The following NPAS3 variants were observed in gnomAD, a reference collection of about 807,000 sequenced individuals.
NPAS3 encodes neuronal PAS domain protein 3.
A neutral mutation model predicts 73.1 loss-of-function variants in NPAS3; 14 were observed. The ratio of observed to expected loss-of-function variants is 0.19; its 90% confidence interval spans 0.13 to 0.30. The LOEUF (loss-of-function observed/expected upper bound fraction) is 0.30, where lower values mean the gene tolerates loss of function less well. NPAS3 is among the 10% of genes least tolerant of loss of function. NPAS3 has a pLI of 1.00. For missense variants in NPAS3, 1,096 were observed against 1,250.0 expected (o/e 0.88, Z 1.86); for synonymous variants, 620 against 541.5 (o/e 1.14, Z -2.01).
intron 2 of NPAS3, among the ~76,000 whole-genome samples, chr14:33,057,312 T>G (rs567786887): frequency 6.6e-6 from 1 of 152,346 alleles, no homozygotes; most frequent in African/African-American, 2.4e-5. Flanking sequence ...GATCATCATT[T>G]TAAAAAATTC....
intron 3 of NPAS3, among the ~76,000 whole-genome samples, chr14:33,344,874 C>A (rs1274727039): frequency 2.0e-5 from 3 of 152,152 alleles, no homozygotes; most frequent in Admixed American, 6.6e-5. Flanking sequence ...AGAAGGAAGT[C>A]ACAGGCATCA....
intron 4 of NPAS3, among the ~76,000 whole-genome samples, chr14:33,460,634 ACTGC>A (rs1183046540): frequency 1.3e-5 from 2 of 152,150 alleles, no homozygotes; most frequent in African/African-American, 4.8e-5. Context: ...GGCGTACCCT[ACTGC>A]CTCCTACCCT....
intron 2 of NPAS3, among the ~76,000 whole-genome samples, chr14:33,160,532 C>A (rs1349789481): frequency 6.7e-6 from 1 of 149,802 alleles, no homozygotes; most frequent in African/African-American, 2.5e-5. Flanking sequence ...AGGAGATATA[C>A]CTAATGTAAA....
At chr14:33,730,945 G>T (rs8014172) in intron 6 of NPAS3, among the ~76,000 whole-genome samples, 1 of 152,062 alleles carries the variant, frequency 6.6e-6, no homozygotes, top group African/African-American at 2.4e-5. Context: ...GGAAAAGAAT[G>T]TGTTTAACTT....
intron 4 of NPAS3, among the ~76,000 whole-genome samples, chr14:33,408,064 T>C (rs1311267821): frequency 6.6e-6 from 1 of 152,164 alleles, no homozygotes; most frequent in African/African-American, 2.4e-5. Context: ...ATATGAAATG[T>C]CTTTATTAGT....
chr14:33,280,198 T>G (rs2041535892), intron 3 of NPAS3, among the ~76,000 whole-genome samples: 1 of 151,922 alleles, frequency 6.6e-6, no homozygotes, highest in Non-Finnish European at 1.5e-5. Flanking sequence ...TCCAGTGTAA[T>G]TATAAACATA....
intron 2 of NPAS3, among the ~76,000 whole-genome samples, chr14:33,089,038 C>CAAAGATCAAAGGTAGTTAAAACCACA (rs57623601): frequency 6.9e-6 from 1 of 144,654 alleles, no homozygotes; most frequent in African/African-American, 2.7e-5. Context: ...TCACCATCAT[C>CAAAGATCAAAGGTAGTTAAAACCACA]AAGATGAGGA....
At chr14:33,344,165 T>G (rs2044622080) in intron 3 of NPAS3, among the ~76,000 whole-genome samples, 1 of 152,196 alleles carries the variant, frequency 6.6e-6, no homozygotes, top group Non-Finnish European at 1.5e-5. Context: ...AATGATGATT[T>G]TCTTTGCAAA....
intron 4 of NPAS3, among the ~76,000 whole-genome samples, chr14:33,547,854 G>A (rs1021777620): frequency 1.3e-5 from 2 of 152,028 alleles, no homozygotes; most frequent in Non-Finnish European, 2.9e-5. Context: ...GTTGTCAGGG[G>A]GATTCATTCT....
chr14:33,025,428 T>A (rs562070894), intron 1 of NPAS3, among the ~76,000 whole-genome samples: 1 of 152,222 alleles, frequency 6.6e-6, no homozygotes, highest in Non-Finnish European at 1.5e-5. Context: ...CTGCCTAACC[T>A]GACCTACTCC....
intron 3 of NPAS3, among the ~76,000 whole-genome samples, chr14:33,301,729 C>G (rs868596102): frequency 3.9e-5 from 6 of 152,078 alleles, no homozygotes; most frequent in African/African-American, 1.4e-4. Context: ...TAAAGCAAAT[C>G]AGCAGTATAA....
At chr14:33,078,675 G>A (rs2041758796) in intron 2 of NPAS3, among the ~76,000 whole-genome samples, 1 of 152,172 alleles carries the variant, frequency 6.6e-6, no homozygotes, top group South Asian at 2.1e-4. Context: ...AATAACCTTA[G>A]AGTAACACAA....
chr14:33,015,624 G>T (rs1241527084), intron 1 of NPAS3, among the ~76,000 whole-genome samples: 1 of 151,894 alleles, frequency 6.6e-6, no homozygotes, highest in Non-Finnish European at 1.5e-5. Context: ...AAATGCAGAG[G>T]ACCCACTATG....
At chr14:33,580,684 T>A (rs1475378187) in intron 5 of NPAS3, among the ~76,000 whole-genome samples, 1 of 152,116 alleles carries the variant, frequency 6.6e-6, no homozygotes, top group Non-Finnish European at 1.5e-5. Context: ...TCACTCTAAG[T>A]TTTCTTAGAA....
chr14:33,259,055 C>T (rs12437402), intron 3 of NPAS3, among the ~76,000 whole-genome samples: 57,653 of 151,988 alleles, frequency 0.38, 11,411 homozygotes, highest in South Asian at 0.54. Flanking sequence ...CCTCGTGATC[C>T]GCCCTCCTCG....
chr14:33,632,855 C>G (rs2058419643), intron 5 of NPAS3, among the ~76,000 whole-genome samples: 1 of 152,162 alleles, frequency 6.6e-6, no homozygotes, highest in African/African-American at 2.4e-5. Flanking sequence ...AGGAAAAGAT[C>G]TTAAGTCCAT....
In NPAS3 at chr14:33,179,105, T is replaced by C. The variant is rs147971346; in HGVS notation, c.141-36077T>C. 2.7e-3 allele frequency among the ~76,000 whole-genome samples: 407 copies of C among 152,296 alleles called. 4 individuals carry two copies. Among genetic ancestry groups the C allele is most frequent in the African/African-American group, 9.2e-3 (381 of 41,578 alleles). The stretch of plus-strand genomic sequence containing the variant: ...GTTTTTTTTCCCTTTGCTCTCCCAA[T>C]GTGGTGTATTACATTTTTGAAGCAC... On this transcript the variant is annotated intron_variant, in intron 2 of 11. Coordinates refer to ENST00000356141, the Ensembl canonical transcript of NPAS3.
chr14:33,484,802 A>G (rs1252463751), intron 4 of NPAS3, among the ~76,000 whole-genome samples: 1 of 152,176 alleles, frequency 6.6e-6, no homozygotes, highest in Non-Finnish European at 1.5e-5. Flanking sequence ...CACTGAGAGA[A>G]ATAAAGTCCA....
At chr14:33,728,805 C>G (rs899678879) in intron 6 of NPAS3, among the ~76,000 whole-genome samples, 1 of 152,124 alleles carries the variant, frequency 6.6e-6, no homozygotes, top group Admixed American at 6.5e-5. Context: ...ACCCACTGGC[C>G]TAGAACTCTC....
Sources: gnomAD v4.1 joint callset for allele counts (sites outside exome capture counted in the v4.1 genomes callset) on GRCh38, gnomAD v4.1.1 for gene constraint, MANE v1.5 for transcripts, NCBI Gene and HGNC (gene_info 2026-07-23, HGNC 2026-07-21) for gene names.